Variants in ADRA1B observed in about 807,000 individuals in gnomAD.
ADRA1B encodes the protein alpha-1B adrenergic receptor.
ADRA1B carries 17 observed loss-of-function variants against 17.9 expected under a neutral mutation model. That is an observed-to-expected ratio of 0.95 (90% CI 0.65 to 1.42). ADRA1B has a LOEUF of 1.42. Ranked by LOEUF, ADRA1B falls within the 40% of genes most tolerant of loss-of-function variation. The pLI is 0.00. For missense variants in ADRA1B, 681 were observed against 722.1 expected, an observed-to-expected ratio of 0.94 and a Z score of 0.65; for synonymous variants, 366 against 327.6, an observed-to-expected ratio of 1.12 and a Z score of -1.27.
chr5:159,877,700 C>T (rs1282694800), intron 1 of ADRA1B, among the ~76,000 whole-genome samples: 2 of 152,148 alleles, frequency 1.3e-5, no homozygotes, highest in African/African-American at 2.4e-5. Context: ...CTCTCAGCCC[C>T]ATAAGGTAGG....
At chr5:159,899,276 AAGGAAGGAAGGAAGGAAGG>A (rs1561585304) in intron 1 of ADRA1B, among the ~76,000 whole-genome samples, 1 of 103,646 alleles carries the variant, frequency 9.6e-6, no homozygotes, top group African/African-American at 3.0e-5. Context: ...GGAAGGAAGG[AAGGAAGGAAGGAAGGAAGG>A]AAGGAAGGAA....
chr5:159,904,320 C>T (rs1268567672), intron 1 of ADRA1B, among the ~76,000 whole-genome samples: 1 of 152,186 alleles, frequency 6.6e-6, no homozygotes. Context: ...TTCTACAGTC[C>T]CTTCCAGCTC....
At chr5:159,936,559 A>C (rs1162205934) in intron 1 of ADRA1B, among the ~76,000 whole-genome samples, 1 of 152,166 alleles carries the variant, frequency 6.6e-6, no homozygotes, top group Non-Finnish European at 1.5e-5. Context: ...CTGATAGATT[A>C]ATTGGAAGTT....
intron 1 of ADRA1B, among the ~76,000 whole-genome samples, chr5:159,966,569 A>G (rs1748722973): frequency 6.6e-6 from 1 of 152,234 alleles, no homozygotes; most frequent in South Asian, 2.1e-4. Flanking sequence ...TGAAATGCAA[A>G]TGGAACAAGA....
chr5:159,943,864 G>T (rs1755199403), intron 1 of ADRA1B, among the ~76,000 whole-genome samples: 2 of 151,486 alleles, frequency 1.3e-5, no homozygotes, highest in Admixed American at 6.6e-5. Flanking sequence ...CTGGGTGACT[G>T]ACTGACTACC....
chr5:159,978,814 G>A, the ADRA1B span, among the ~76,000 whole-genome samples: 1 of 152,162 alleles, frequency 6.6e-6, no homozygotes, highest in African/African-American at 2.4e-5. Flanking sequence ...TATTGTGTCA[G>A]CCACTACTGT....
chr5:159,891,349 T>C (rs534392313), intron 1 of ADRA1B, among the ~76,000 whole-genome samples: 1 of 152,154 alleles, frequency 6.6e-6, no homozygotes, highest in South Asian at 2.1e-4. Flanking sequence ...GGCTTGAAAA[T>C]CACTTACACC....
intron 1 of ADRA1B, among the ~76,000 whole-genome samples, chr5:159,968,035 A>G (rs1285262267): frequency 6.6e-6 from 1 of 152,226 alleles, no homozygotes; most frequent in East Asian, 1.9e-4. Flanking sequence ...CTTAGCTGCC[A>G]TGGTGCAACA....
At chr5:159,963,646 C>T (rs926529607) in intron 1 of ADRA1B, among the ~76,000 whole-genome samples, 3 of 152,184 alleles carry the variant, frequency 2.0e-5, no homozygotes, top group Non-Finnish European at 4.4e-5. Flanking sequence ...CTTAGCCCAT[C>T]GCCTGGCACA....
intron 1 of ADRA1B, among the ~76,000 whole-genome samples, chr5:159,895,751 C>T (rs1754035018): frequency 6.6e-6 from 1 of 152,244 alleles, no homozygotes; most frequent in South Asian, 2.1e-4. Flanking sequence ...GCTTTACATA[C>T]TGTTTTGCAT....
chr5:159,937,413 T>C (rs969922612), intron 1 of ADRA1B, among the ~76,000 whole-genome samples: 1 of 151,780 alleles, frequency 6.6e-6, no homozygotes, highest in African/African-American at 2.4e-5. Context: ...TCAGTCGGCC[T>C]CATGCCAGAT....
At chr5:159,960,352 C>CTTGAACTAACCTAACCTA (rs1561608987) in intron 1 of ADRA1B, among the ~76,000 whole-genome samples, 3 of 152,210 alleles carry the variant, frequency 2.0e-5, no homozygotes, top group Non-Finnish European at 4.4e-5. Flanking sequence ...CTAACCTAAG[C>CTTGAACTAACCTAACCTA]AGTTTGAACT....
At chr5:159,872,816 G>A (rs550350232) in intron 1 of ADRA1B, among the ~76,000 whole-genome samples, 2 of 152,238 alleles carry the variant, frequency 1.3e-5, no homozygotes, top group African/African-American at 4.8e-5. Context: ...GTTCAGGTTT[G>A]TTACATAGGT....
At chr5:159,880,142 G>T (rs895834733) in intron 1 of ADRA1B, among the ~76,000 whole-genome samples, 2 of 152,146 alleles carry the variant, frequency 1.3e-5, no homozygotes, top group African/African-American at 2.4e-5. Flanking sequence ...CCCTTTTTGG[G>T]CACTACCCTA....
At chr5:159,899,016 G>T (rs1469706527) in intron 1 of ADRA1B, among the ~76,000 whole-genome samples, 1 of 152,012 alleles carries the variant, frequency 6.6e-6, no homozygotes, top group Non-Finnish European at 1.5e-5. Context: ...GTGTGGTGGT[G>T]CACACCTGTA....
chr5:159,935,565 G>A (rs1754930636), intron 1 of ADRA1B, among the ~76,000 whole-genome samples: 1 of 143,920 alleles, frequency 6.9e-6, no homozygotes, highest in African/African-American at 2.6e-5. Context: ...TTTTTCTTTT[G>A]AGATAGGGTC....
At chr5:159,890,362 A>G (rs552273613) in intron 1 of ADRA1B, among the ~76,000 whole-genome samples, 2 of 152,328 alleles carry the variant, frequency 1.3e-5, no homozygotes, top group East Asian at 3.9e-4. Context: ...CTAAATCATC[A>G]TCTATTAAAT....
chr5:159,986,218 C>T, the ADRA1B span, among the ~76,000 whole-genome samples: 2 of 152,184 alleles, frequency 1.3e-5, no homozygotes, highest in Non-Finnish European at 2.9e-5. Context: ...CCTCGGCCTC[C>T]CAAGTAGCTG....
intron 1 of ADRA1B, among the ~76,000 whole-genome samples, chr5:159,898,297 G>A (rs1290584165): frequency 6.6e-6 from 1 of 152,168 alleles, no homozygotes; most frequent in East Asian, 1.9e-4. Context: ...AGGAAGAGTG[G>A]GAGAGAGACT....
Sources: allele counts gnomAD v4.1 joint callset (sites outside exome capture counted in the v4.1 genomes callset), GRCh38; gene constraint gnomAD v4.1.1; transcripts MANE v1.5; gene names NCBI Gene and HGNC (gene_info 2026-07-23, HGNC 2026-07-21).